Variants in PDGFD observed in about 807,000 individuals in gnomAD.
PDGFD encodes platelet-derived growth factor D.
In PDGFD, 30 loss-of-function variants were observed where a neutral mutation model predicts 44.7. The ratio of observed to expected loss-of-function variants is 0.67; its 90% CI spans 0.50 to 0.91. PDGFD has a LOEUF of 0.91. Ranked by LOEUF, PDGFD falls within the 40% of genes least tolerant of loss-of-function variation. PDGFD has a pLI of 0.00. For missense variants in PDGFD, 445 were observed against 457.8 expected (o/e 0.97, Z 0.25); for synonymous variants, 173 against 168.4 (o/e 1.03, Z -0.21).
chr11:104,035,738 T>C (rs1244220302), intron 1 of PDGFD, among the ~76,000 whole-genome samples: 1 of 152,150 alleles, frequency 6.6e-6, no homozygotes, highest in East Asian at 1.9e-4. Context: ...TGTCTCATCT[T>C]TCTCTAGAAA....
chr11:103,998,373 G>T (rs1225982823), intron 2 of PDGFD, among the ~76,000 whole-genome samples: 2 of 152,130 alleles, frequency 1.3e-5, no homozygotes, highest in Non-Finnish European at 2.9e-5. Flanking sequence ...TAGACCTCTG[G>T]GGAGGGAGAG....
At chr11:103,938,202 C>A (rs1304446278) in intron 5 of PDGFD, among the ~76,000 whole-genome samples, 1 of 152,122 alleles carries the variant, frequency 6.6e-6, no homozygotes, top group Non-Finnish European at 1.5e-5. Context: ...TCTCCACATT[C>A]TCTCCAGCAC....
At chr11:104,087,880 A>C (rs539784135) in intron 1 of PDGFD, among the ~76,000 whole-genome samples, 93 of 152,210 alleles carry the variant, frequency 6.1e-4, no homozygotes, top group Non-Finnish European at 1.2e-3. Context: ...GTTTGTAATA[A>C]TGTCCCATGA....
At chr11:104,000,000 T>C in intron 2 of PDGFD, 51 bp downstream of exon 2, 1 of 1,476,388 alleles carries the variant, frequency 6.8e-7, no homozygotes, top group Admixed American at 1.7e-5. Context: ...AATTCATCTT[T>C]TTCTTTTTTC....
chr11:103,936,684 G>A (rs1350598344), intron 5 of PDGFD, among the ~76,000 whole-genome samples: 1 of 152,048 alleles, frequency 6.6e-6, no homozygotes, highest in East Asian at 1.9e-4. Flanking sequence ...GAAATGGGTT[G>A]GTAACTGTTC....
chr11:103,980,665 T>C (rs1463383239), intron 3 of PDGFD, among the ~76,000 whole-genome samples: 1 of 151,714 alleles, frequency 6.6e-6, no homozygotes, highest in East Asian at 1.9e-4. Flanking sequence ...AATATTTGTG[T>C]CCCCCCCAAA....
chr11:104,155,573 C>T (rs1424328877), intron 1 of PDGFD, among the ~76,000 whole-genome samples: 1 of 152,126 alleles, frequency 6.6e-6, no homozygotes, highest in East Asian at 1.9e-4. Context: ...GATATGAGAA[C>T]CACATAAACC....
rs757886577 is a variant in PDGFD, at chr11:103,926,930, G to A, written c.969C>T (p.Thr323=). 37 of 1,613,720 alleles carry A rather than the reference G, an allele frequency of 2.3e-5. No individual in the cohort carries two copies. The highest frequency in any genetic ancestry group is 2.0e-4 in the Admixed American group (12 of 59,958). Residue 323 remains threonine, a synonymous_variant, in exon 6 of 7, where the codon ACC becomes ACT. Coordinates refer to ENST00000393158, the MANE Select transcript of PDGFD (RefSeq NM_025208.5). ...GACATACCTCATGATACTTTTTCAC[G>A]GTTTTCCCTGAATTGCATGTGCAGG... ...WRSCTCNSGK[T]VKKYHEVLQF...
chr11:104,088,436 C>T (rs974039241), intron 1 of PDGFD, among the ~76,000 whole-genome samples: 20 of 152,146 alleles, frequency 1.3e-4, no homozygotes, highest in African/African-American at 4.6e-4. Context: ...CTCAATTCAT[C>T]CCTTCATTCT....
At chr11:104,005,792 T>C (rs755842909) in intron 1 of PDGFD, among the ~76,000 whole-genome samples, 5 of 152,322 alleles carry the variant, frequency 3.3e-5, no homozygotes, top group Non-Finnish European at 5.9e-5. Flanking sequence ...TCTACTACTT[T>C]CAGAGCACAC....
intron 1 of PDGFD, among the ~76,000 whole-genome samples, chr11:104,136,331 T>C (rs1318820510): frequency 6.6e-6 from 1 of 152,170 alleles, no homozygotes. Flanking sequence ...CAGTTAAACA[T>C]GACAGATTGA....
At chr11:103,999,215 C>T (rs559712488) in intron 2 of PDGFD, among the ~76,000 whole-genome samples, 4 of 152,058 alleles carry the variant, frequency 2.6e-5, no homozygotes, top group East Asian at 1.9e-4. Flanking sequence ...TGAGGCCCCT[C>T]TTTTTATTAT....
chr11:104,030,545 T>A lies in PDGFD; in HGVS notation c.125-30290A>T, dbSNP rs79202517. On this transcript the variant is annotated intron_variant, in intron 1 of 6. Transcript: ENST00000393158. ...TACCAAAAAGAAACACAGCATTCGT[T>A]ATTTTTTGTCAGTGTGAAGAAATGT... 2.6e-5 allele frequency among the ~76,000 whole-genome samples: 4 copies of A among 152,342 alleles called. No individual in the cohort carries two copies. The East Asian group carries it at 7.7e-4, about 29-fold the overall frequency.
chr11:103,919,533 A>C (rs75502384), intron 6 of PDGFD, among the ~76,000 whole-genome samples: 3,592 of 88,632 alleles, frequency 0.041, 165 homozygotes, highest in African/African-American at 0.14. Context: ...TTTGAGATGG[A>C]GTTTCAGTCT....
At chr11:104,096,319 A>C (rs72975287) in intron 1 of PDGFD, among the ~76,000 whole-genome samples, 1 of 152,300 alleles carries the variant, frequency 6.6e-6, no homozygotes, top group Non-Finnish European at 1.5e-5. Context: ...GTATTGTTCA[A>C]AATATCAGGA....
intron 1 of PDGFD, among the ~76,000 whole-genome samples, chr11:104,120,916 T>C (rs1210410701): frequency 6.6e-6 from 1 of 151,990 alleles, no homozygotes; most frequent in Non-Finnish European, 1.5e-5. Context: ...TTTGGCTTTG[T>C]TCTCCTCCAC....
At chr11:103,969,037 G>C (rs1859062560) in intron 3 of PDGFD, among the ~76,000 whole-genome samples, 1 of 152,130 alleles carries the variant, frequency 6.6e-6, no homozygotes, top group Non-Finnish European at 1.5e-5. Flanking sequence ...CACATCCTTT[G>C]AGAAATATCT....
At chr11:104,023,156 C>A (rs1859989582) in intron 1 of PDGFD, among the ~76,000 whole-genome samples, 1 of 152,092 alleles carries the variant, frequency 6.6e-6, no homozygotes, top group Non-Finnish European at 1.5e-5. Context: ...ATAACTATGA[C>A]CTTGAGTATC....
At chr11:104,052,604 A>AT in intron 1 of PDGFD, among the ~76,000 whole-genome samples, 1 of 152,160 alleles carries the variant, frequency 6.6e-6, no homozygotes, top group African/African-American at 2.4e-5. Flanking sequence ...CTGTAGGGGT[A>AT]TTTTTTGGCG....
Sources: gnomAD v4.1 joint callset for allele counts (sites outside exome capture counted in the v4.1 genomes callset) on GRCh38, gnomAD v4.1.1 for gene constraint, MANE v1.5 for transcripts, NCBI Gene and HGNC (gene_info 2026-07-23, HGNC 2026-07-21) for gene names.